The following CNTN5 variants were observed in gnomAD, a reference collection of about 807,000 sequenced individuals.
CNTN5 encodes contactin 5, also known as contactin-5.
Under a neutral mutation model 129.1 loss-of-function variants are expected in CNTN5, and 77 were observed. The ratio of observed to expected loss-of-function variants is 0.60; its 90% CI spans 0.50 to 0.72. The LOEUF (loss-of-function observed/expected upper bound fraction) is 0.72, where lower values mean the gene tolerates loss of function less well. Among genes scored for constraint, CNTN5 ranks in the 30% least tolerant of loss-of-function variants. The pLI is 0.00. For missense variants in CNTN5, 1,478 were observed against 1,328.8 expected (o/e 1.11, Z -1.75); for synonymous variants, 509 against 465.6 (o/e 1.09, Z -1.20).
chr11:99,954,598 A>G (rs1950753797), intron 7 of CNTN5, among the ~76,000 whole-genome samples: 1 of 152,198 alleles, frequency 6.6e-6, no homozygotes, highest in Admixed American at 6.6e-5. Flanking sequence ...GTTACAATGT[A>G]ATACTAAAAA....
rs187042771 is a variant in CNTN5, at chr11:100,151,177, G to T, written c.1581-39949G>T. ...CATCCATTTTATAATTAATTTAGTT[G>T]TTGTAATTGTTGTGTGTAATTAAAC... On this transcript the variant is annotated intron_variant, in intron 13 of 24. Transcript: ENST00000524871. Among the ~76,000 whole-genome samples the T allele has an allele frequency of 9.0e-3, 1,358 of 150,432 alleles. 17 individuals are homozygous for T. The highest frequency in any genetic ancestry group is 0.032 in the African/African-American group (1,278 of 40,530).
intron 6 of CNTN5, among the ~76,000 whole-genome samples, chr11:99,876,865 T>C (rs1565630086): frequency 1.3e-5 from 2 of 152,228 alleles, no homozygotes; most frequent in South Asian, 4.1e-4. Context: ...ATTGCTATAC[T>C]AAATGATAAA....
At chr11:99,737,445 A>G (rs1943748706) in intron 3 of CNTN5, among the ~76,000 whole-genome samples, 1 of 152,182 alleles carries the variant, frequency 6.6e-6, no homozygotes, top group Non-Finnish European at 1.5e-5. Context: ...GATTAGAACT[A>G]CATTCCAGGT....
intron 2 of CNTN5, among the ~76,000 whole-genome samples, chr11:99,535,970 G>A (rs921330965): frequency 3.9e-5 from 6 of 151,968 alleles, no homozygotes; most frequent in African/African-American, 1.4e-4. Context: ...ATCGTTGGTG[G>A]GTTGCTAGCC....
intron 4 of CNTN5, among the ~76,000 whole-genome samples, chr11:99,835,018 C>T (rs1947258485): frequency 1.3e-5 from 2 of 152,156 alleles, no homozygotes; most frequent in Admixed American, 1.3e-4. Context: ...TTTCAGTTAA[C>T]TGTTTGAAGA....
intron 1 of CNTN5, among the ~76,000 whole-genome samples, chr11:99,231,332 A>G (rs1860984378): frequency 6.6e-6 from 1 of 152,070 alleles, no homozygotes; most frequent in Non-Finnish European, 1.5e-5. Flanking sequence ...CTTTTTAATA[A>G]TCACCATTCT....
At chr11:100,207,627 A>C (rs1948944414) in intron 15 of CNTN5, among the ~76,000 whole-genome samples, 3 of 152,122 alleles carry the variant, frequency 2.0e-5, no homozygotes, top group Non-Finnish European at 4.4e-5. Context: ...TACCTATTAA[A>C]TATAGTGATA....
At chr11:99,646,347 T>G (rs1041289000) in intron 3 of CNTN5, among the ~76,000 whole-genome samples, 3 of 152,206 alleles carry the variant, frequency 2.0e-5, no homozygotes, top group Non-Finnish European at 4.4e-5. Context: ...TTGCTATAAG[T>G]CAAATATGAG....
chr11:99,459,589 C>G (rs1944617120), intron 2 of CNTN5, among the ~76,000 whole-genome samples: 1 of 151,818 alleles, frequency 6.6e-6, no homozygotes, highest in East Asian at 1.9e-4. Context: ...GTGGGTGTTA[C>G]AAAATAAAGC....
intron 1 of CNTN5, among the ~76,000 whole-genome samples, chr11:99,176,998 C>T (rs144464517): frequency 3.9e-5 from 6 of 152,306 alleles, no homozygotes; most frequent in Non-Finnish European, 7.4e-5. Flanking sequence ...GTTTGGTCAA[C>T]TCTGACCTTC....
At chr11:99,826,723 C>G (rs548297270) in intron 4 of CNTN5, among the ~76,000 whole-genome samples, 9 of 152,266 alleles carry the variant, frequency 5.9e-5, no homozygotes, top group African/African-American at 2.2e-4. Context: ...GTATGAATGG[C>G]TGCAATGAAA....
intron 2 of CNTN5, among the ~76,000 whole-genome samples, chr11:99,392,201 A>G (rs1311021740): frequency 6.6e-6 from 1 of 151,532 alleles, no homozygotes; most frequent in East Asian, 1.9e-4. Context: ...TTTGTACTCA[A>G]TAAATAATAA....
chr11:99,515,915 T>C (rs755118348), intron 2 of CNTN5, among the ~76,000 whole-genome samples: 13 of 150,714 alleles, frequency 8.6e-5, no homozygotes, highest in Non-Finnish European at 1.6e-4. Context: ...TTGTAGAGAG[T>C]CATACACTTA....
intron 2 of CNTN5, among the ~76,000 whole-genome samples, chr11:99,331,607 A>G (rs1463639543): frequency 6.6e-6 from 1 of 152,186 alleles, no homozygotes; most frequent in African/African-American, 2.4e-5. Flanking sequence ...TAAAATAATA[A>G]TAAAAGAAAA....
intron 1 of CNTN5, among the ~76,000 whole-genome samples, chr11:99,175,482 T>C (rs191522505): frequency 2.0e-5 from 3 of 152,168 alleles, no homozygotes; most frequent in Admixed American, 2.0e-4. Context: ...GGAGTTTGTT[T>C]TAGAAGTGAT....
At chr11:99,854,292 C>A in intron 6 of CNTN5, among the ~76,000 whole-genome samples, 1 of 152,286 alleles carries the variant, frequency 6.6e-6, no homozygotes, top group South Asian at 2.1e-4. Flanking sequence ...CTAGGTTACC[C>A]CTACATAAAT....
At chr11:99,178,156 AAAAC>A (rs144153541) in intron 1 of CNTN5, among the ~76,000 whole-genome samples, 9,997 of 151,776 alleles carry the variant, frequency 0.066, 842 homozygotes, top group East Asian at 0.36. Context: ...ACTAGCAACT[AAAAC>A]AAACAAACAA....
intron 3 of CNTN5, among the ~76,000 whole-genome samples, chr11:99,680,885 T>A (rs1164453162): frequency 1.3e-5 from 2 of 151,882 alleles, no homozygotes; most frequent in African/African-American, 4.8e-5. Context: ...TTAAAAACCT[T>A]TTGATAAGGA....
intron 3 of CNTN5, among the ~76,000 whole-genome samples, chr11:99,809,159 A>G (rs1437186433): frequency 6.6e-6 from 1 of 152,148 alleles, no homozygotes; most frequent in Non-Finnish European, 1.5e-5. Context: ...GGGGAGAATG[A>G]TGTCAGACCC....
Sources: allele counts gnomAD v4.1 joint callset (sites outside exome capture counted in the v4.1 genomes callset), GRCh38; gene constraint gnomAD v4.1.1; transcripts MANE v1.5; gene names NCBI Gene and HGNC (gene_info 2026-07-23, HGNC 2026-07-21).